Variants in UBR4 observed in about 807,000 individuals in gnomAD.
UBR4 encodes ubiquitin protein ligase E3 component n-recognin 4, also known as E3 ubiquitin-protein ligase UBR4.
In UBR4, 124 loss-of-function variants were observed where a neutral mutation model predicts 575.6. That is an observed-to-expected ratio of 0.22 (90% confidence interval 0.19 to 0.25). The LOEUF (loss-of-function observed/expected upper bound fraction) is 0.25, where lower values mean the gene tolerates loss of function less well. Among genes scored for constraint, UBR4 ranks in the 10% least tolerant of loss-of-function variants. UBR4 has a pLI of 1.00. For missense variants in UBR4, 4,818 were observed against 6,478.8 expected, an observed-to-expected ratio of 0.74 and a Z score of 8.80; for synonymous variants, 2,455 against 2,473.7, an observed-to-expected ratio of 0.99 and a Z score of 0.22.
intron 61 of UBR4, 82 bp downstream of exon 61, chr1:19,128,896 G>T: frequency 1.5e-6 from 2 of 1,298,370 alleles, no homozygotes; most frequent in Non-Finnish European, 2.2e-6. Context: ...AAGGCTTCCA[G>T]GTCCTCTGGA....
Position 19,161,097 on chromosome 1 carries a change from C to T in UBR4, c.5226G>A (p.Glu1742=), listed in dbSNP as rs373254039. The part of the protein sequence containing the change: ...PSSGMSSTMK[E]SAFQSEPRIS... ...TCCTGGGTTCACTCTGAAATGCCGA[C>T]TCCTTCATGGTAGAGCTCATGCCAC... Residue 1742 remains glutamate, a synonymous_variant, in exon 38 of 106, where the codon GAG becomes GAA. Coordinates refer to ENST00000375254, the MANE Select transcript of UBR4 (RefSeq NM_020765.3). The T allele has an allele frequency of 6.2e-7, 1 of 1,614,140 alleles. No individual in the cohort carries two copies. Among genetic ancestry groups the T allele is most frequent in the Non-Finnish European group, 8.5e-7 (1 of 1,180,016 alleles).
At chr1:19,150,039 C>G (rs952394953) in intron 49 of UBR4, among the ~76,000 whole-genome samples, 1 of 152,124 alleles carries the variant, frequency 6.6e-6, no homozygotes, top group East Asian at 1.9e-4. Context: ...CCATGGCAAA[C>G]CAGCAGCTAC....
chr1:19,097,172 A>G (rs749789416), intron 91 of UBR4, 21 bp downstream of exon 91: 43 of 1,596,988 alleles, frequency 2.7e-5, no homozygotes, highest in Non-Finnish European at 3.7e-5. Flanking sequence ...CTCAGATCCA[A>G]TGTGCAGTGC....
At chr1:19,195,663 CT>C in intron 8 of UBR4, among the ~76,000 whole-genome samples, 1 of 152,154 alleles carries the variant, frequency 6.6e-6, no homozygotes, top group East Asian at 1.9e-4. Context: ...GTATCCTTAA[CT>C]TTCTACTCTT....
rs117015257 is a variant in UBR4, at chr1:19,149,555, G to A, written c.7431-929C>T. On this transcript the variant is annotated intron_variant, in intron 49 of 105. Transcript: ENST00000375254. ...GGAAGAGAGAGTTGAGAGAGTGTCC[G>A]ACATGGCCAACACCAAGAGTGCACT... is the stretch of plus-strand genomic sequence containing the variant. Among the ~76,000 whole-genome samples the A allele has an allele frequency of 6.8e-4, 104 of 152,224 alleles. 1 individual carries two copies. In the East Asian group the frequency reaches 0.012, roughly 18 times the overall value.
At chr1:19,123,664 C>T (rs1364441921) in intron 65 of UBR4, among the ~76,000 whole-genome samples, 8 of 152,098 alleles carry the variant, frequency 5.3e-5, no homozygotes, top group Non-Finnish European at 8.8e-5. Flanking sequence ...CTTCAGCCCA[C>T]CCAAAGGGAA....
At chr1:19,137,298 GA>G (rs11348910) in intron 60 of UBR4, among the ~76,000 whole-genome samples, 2,923 of 123,356 alleles carry the variant, frequency 0.024, 59 homozygotes, top group East Asian at 0.077. Flanking sequence ...AGACAGTCTC[GA>G]AAAAAAAAAA....
intron 18 of UBR4, among the ~76,000 whole-genome samples, chr1:19,178,343 T>C (rs2090504299): frequency 6.6e-6 from 1 of 152,208 alleles, no homozygotes; most frequent in Non-Finnish European, 1.5e-5. Context: ...CCTTTGGCTA[T>C]TTGGAAAGAG....
intron 8 of UBR4, among the ~76,000 whole-genome samples, chr1:19,196,883 T>C (rs1481417832): frequency 2.6e-5 from 4 of 152,248 alleles, no homozygotes; most frequent in Non-Finnish European, 4.4e-5. Flanking sequence ...GGCAATTTGC[T>C]TTTCATATAG....
Position 19,199,703 on chromosome 1 carries a change from T to C in UBR4, c.326A>G (p.Glu109Gly). The C allele has an allele frequency of 6.2e-7, 1 of 1,614,104 alleles. No homozygotes were observed. The highest frequency in any genetic ancestry group is 8.5e-7 in the Non-Finnish European group (1 of 1,180,020). ...ATTCTCCAGACGCAGGAGAGAAAAC[T>C]CAATTAGAACTTTACAGGCTGCTGC... ...SVAAACKVLI[E>G]FSLLRLENPD... The change falls in exon 3 of 106, where the codon GAG becomes GGG. Residue 109 changes from glutamate (E) to glycine (G), a missense_variant. Glu to Gly is a moderately conservative substitution (Grantham distance 98). Coordinates refer to ENST00000375254, the MANE Select transcript of UBR4 (RefSeq NM_020765.3).
chr1:19,167,369 C>T (rs2088680614), intron 28 of UBR4, 138 bp from the exon 29 acceptor site: 3 of 764,760 alleles, frequency 3.9e-6, no homozygotes, highest in African/African-American at 3.5e-5. Flanking sequence ...AGTCTTTTTC[C>T]CATGATAGCT....
rs371146237 is a variant in UBR4, at chr1:19,086,735, G to A, written c.14631C>T (p.Tyr4877=). The A allele has an allele frequency of 4.3e-6, 7 of 1,614,108 alleles. No individual in the cohort carries two copies. The African/African-American group carries it at 5.3e-5, about 12-fold the overall frequency. ...CAATGTTGAAGTGGGACACGGTGCT[G>A]TAGCCCTGCTGTTTCCGGGGCTTAT... is the stretch of plus-strand genomic sequence containing the variant. ...MENKPRKQQG[Y]STVSHFNIVH... The change falls in exon 100 of 106, where the codon TAC becomes TAT. Residue 4877 remains tyrosine, a synonymous_variant. Transcript: ENST00000375254.
chr1:19,153,722 G>A lies in UBR4; in HGVS notation c.6630+46C>T. The A allele has an allele frequency of 6.3e-7, 1 of 1,583,024 alleles. No individual in the cohort carries two copies. Among genetic ancestry groups the A allele is most frequent in the East Asian group, 2.2e-5 (1 of 44,622 alleles). ...AAATGAATATACAAACATAAAAAGA[G>A]ACCAGGTTCACAGCAAAGTAATGAA... On this transcript the variant is annotated intron_variant, in intron 45 of 105. Coordinates refer to ENST00000375254, the MANE Select transcript of UBR4 (RefSeq NM_020765.3). This position sits in a 1 kb window ranked among gnomAD's most constrained non-coding sequence, Gnocchi z 4.1.
At chr1:19,106,535 G>A (rs757874787) in intron 83 of UBR4, 34 bp downstream of exon 83, 9 of 1,515,488 alleles carry the variant, frequency 5.9e-6, no homozygotes, top group East Asian at 2.3e-5. Context: ...GGTCAGGGGC[G>A]CAGGGGGTGA....
intron 48 of UBR4, 170 bp from the exon 49 acceptor site, chr1:19,150,963 A>C: frequency 1.4e-6 from 1 of 694,530 alleles, no homozygotes; most frequent in Non-Finnish European, 2.4e-6. Context: ...ATATATGCTG[A>C]ATACATGTGG....
intron 102 of UBR4, 72 bp from the exon 103 acceptor site, chr1:19,081,645 T>G: frequency 6.5e-7 from 1 of 1,530,742 alleles, no homozygotes; most frequent in Non-Finnish European, 9.1e-7. Flanking sequence ...CAGGAAGAAT[T>G]TGCTCAATTT....
rs749139093 is a variant in UBR4 at position 19,124,563 on chromosome 1, G to A, written c.9566C>T (p.Ser3189Leu). 22 of 1,614,068 alleles carry A rather than the reference G, an allele frequency of 1.4e-5. No individual in the cohort carries two copies. Among genetic ancestry groups the A allele is most frequent in the Middle Eastern group, 1.6e-4 (1 of 6,084 alleles). The change falls in exon 65 of 106, where the codon TCG becomes TTG. Residue 3189 changes from serine (S) to leucine (L), a missense_variant. Coordinates refer to ENST00000375254, the MANE Select transcript of UBR4 (RefSeq NM_020765.3). Reference sequence around the variant, plus strand: ...TACCTCGGAGAGAAAGTAAAACCACGAGTGGTCAAAGACAGGAGGTGGGAT... The same window carrying A: ...TACCTCGGAGAGAAAGTAAAACCACAAGTGGTCAAAGACAGGAGGTGGGAT... ...SRIPPPVFDHSWFYFLSEYLM... is the reference protein window; with the variant it reads ...SRIPPPVFDHLWFYFLSEYLM...
chr1:19,148,490 C>G, intron 50 of UBR4, 73 bp downstream of exon 50: 3 of 1,564,046 alleles, frequency 1.9e-6, no homozygotes, highest in Non-Finnish European at 2.6e-6. Flanking sequence ...TTCGAGGCCT[C>G]AGGGCCTCGG....
chr1:19,156,329 G>A lies in UBR4; in HGVS notation c.6014C>T (p.Ala2005Val). ...QLATGNFIIK[A>V]VWLPGSQTEL... ...GGTCTGTGAACCAGGTAACCACACG[G>A]CTTTGATGATGAAGTTCCCCGTTGC... Residue 2005 changes from alanine (A) to valine (V), a missense_variant, in exon 42 of 106, where the codon GCC becomes GTC. Physicochemically the swap from Ala to Val is moderately conservative, Grantham distance 64. This residue lies in a region of UBR4 where 461 missense variants were observed against 606.9 expected (regional missense o/e 0.76). Coordinates refer to ENST00000375254, the MANE Select transcript of UBR4 (RefSeq NM_020765.3). The A allele has an allele frequency of 1.9e-6, 3 of 1,614,204 alleles. No homozygotes were observed. Among genetic ancestry groups the A allele is most frequent in the Non-Finnish European group, 2.5e-6 (3 of 1,180,022 alleles).
Sources: gnomAD v4.1 joint callset for allele counts (sites outside exome capture counted in the v4.1 genomes callset) on GRCh38, gnomAD v4.1.1 for gene constraint, gnomAD v4.1.1 regional missense constraint, Gnocchi (gnomAD v3.1) non-coding constraint, MANE v1.5 for transcripts, NCBI Gene and HGNC (gene_info 2026-07-23, HGNC 2026-07-21) for gene names.